Variants in CSNK1G1 observed in about 807,000 individuals in gnomAD.
CSNK1G1 encodes casein kinase 1 gamma 1.
In CSNK1G1, 22 loss-of-function variants were observed where a neutral mutation model predicts 59.6. The ratio of observed to expected loss-of-function variants is 0.37; its 90% CI spans 0.26 to 0.53. The LOEUF (loss-of-function observed/expected upper bound fraction) is 0.53. CSNK1G1 is among the 20% of genes least tolerant of loss of function. The pLI, the probability that CSNK1G1 is intolerant of heterozygous loss-of-function variation, is 0.89. For missense variants in CSNK1G1, 384 were observed against 519.5 expected, an observed-to-expected ratio of 0.74 and a Z score of 2.54; for synonymous variants, 179 against 177.1, an observed-to-expected ratio of 1.01 and a Z score of -0.08.
At chr15:64,270,853 T>C (rs187807904) in intron 2 of CSNK1G1, among the ~76,000 whole-genome samples, 5 of 152,312 alleles carry the variant, frequency 3.3e-5, no homozygotes, top group South Asian at 2.1e-4. Flanking sequence ...TCTTGATTTC[T>C]GTCTTTATTT....
chr15:64,255,099 T>C (rs1892299596), intron 3 of CSNK1G1, among the ~76,000 whole-genome samples: 1 of 152,098 alleles, frequency 6.6e-6, no homozygotes, highest in Non-Finnish European at 1.5e-5. Flanking sequence ...TCTTTTGAGA[T>C]GGAATCTTAC....
At chr15:64,197,364 G>A (rs1170620185) in intron 10 of CSNK1G1, among the ~76,000 whole-genome samples, 1 of 152,136 alleles carries the variant, frequency 6.6e-6, no homozygotes, top group East Asian at 1.9e-4. Context: ...ACCATCCTCT[G>A]CCTGCTAGAC....
chr15:64,346,395 T>A (rs1897974778), intron 1 of CSNK1G1, among the ~76,000 whole-genome samples: 2 of 151,284 alleles, frequency 1.3e-5, no homozygotes, highest in African/African-American at 4.8e-5. Context: ...GGAGAAAATG[T>A]AAGTGACCTT....
In CSNK1G1 at chr15:64,268,174, T is replaced by C. The variant is rs535232712; in HGVS notation, c.182-8933A>G. 5.3e-5 allele frequency among the ~76,000 whole-genome samples: 8 copies of C among 152,272 alleles called. No individual in the cohort carries two copies. In the South Asian group the frequency reaches 1.7e-3, roughly 32 times the overall value. ...TATAAAAAGGAAGTGCTGTCATTTGTGGCAAAGGAATAAACATGGAGAACA... is the reference window on the plus strand; with the variant it reads ...TATAAAAAGGAAGTGCTGTCATTTGCGGCAAAGGAATAAACATGGAGAACA... On this transcript the variant is annotated intron_variant, in intron 2 of 11. Transcript: ENST00000303052.
At chr15:64,177,064 T>C (rs1244501107) in intron 11 of CSNK1G1, among the ~76,000 whole-genome samples, 1 of 152,190 alleles carries the variant, frequency 6.6e-6, no homozygotes, top group African/African-American at 2.4e-5. Flanking sequence ...CAAGGACATA[T>C]GTCCTGGAGC....
chr15:64,174,015 A>G lies in CSNK1G1; in HGVS notation c.1215-2030T>C, dbSNP rs1038956893. Among the ~76,000 whole-genome samples the G allele has an allele frequency of 1.6e-4, 24 of 152,226 alleles. 1 individual carries two copies. The highest frequency in any genetic ancestry group is 4.8e-4 in the African/African-American group (20 of 41,458). On this transcript the variant is annotated intron_variant, in intron 11 of 11. Coordinates refer to ENST00000303052, the MANE Select transcript of CSNK1G1 (RefSeq NM_022048.5). ...AGAGGCAAATTAAATCTCTATTTCAATAGACTTACCTCTTTTCTTCTGAAT... is the reference window on the plus strand; with the variant it reads ...AGAGGCAAATTAAATCTCTATTTCAGTAGACTTACCTCTTTTCTTCTGAAT...
At chr15:64,251,415 T>G in intron 4 of CSNK1G1, 97 bp downstream of exon 4, 5 of 782,250 alleles carry the variant, frequency 6.4e-6, no homozygotes, top group Non-Finnish European at 1.1e-5. Flanking sequence ...GATAGATGGT[T>G]TGGTAAAAAG....
chr15:64,329,111 T>C (rs1406972207), intron 1 of CSNK1G1, among the ~76,000 whole-genome samples: 2 of 151,248 alleles, frequency 1.3e-5, no homozygotes, highest in African/African-American at 4.9e-5. Context: ...ATTAGACAGA[T>C]CAACGAGACA....
chr15:64,217,218 C>T (rs1483058618), intron 4 of CSNK1G1, among the ~76,000 whole-genome samples: 2 of 152,196 alleles, frequency 1.3e-5, no homozygotes, highest in Non-Finnish European at 2.9e-5. Context: ...TGCAGCCTGG[C>T]CCCAGGCCAG....
intron 2 of CSNK1G1, among the ~76,000 whole-genome samples, chr15:64,283,288 G>T (rs72756981): frequency 0.044 from 6,718 of 151,742 alleles, 193 homozygotes; most frequent in South Asian, 0.085. Context: ...CCCATTGTTA[G>T]ATACATAATT....
At chr15:64,280,629 A>G (rs1395810671) in intron 2 of CSNK1G1, among the ~76,000 whole-genome samples, 1 of 151,486 alleles carries the variant, frequency 6.6e-6, no homozygotes, top group Non-Finnish European at 1.5e-5. Flanking sequence ...CAAAGTGTTA[A>G]GGATTACAGG....
At chr15:64,355,888 C>G (rs528642885) in intron 1 of CSNK1G1, 100 bp downstream of exon 1, 2 of 153,048 alleles carry the variant, frequency 1.3e-5, no homozygotes, top group East Asian at 3.9e-4. Context: ...ACGGCGTCCC[C>G]CACCCACGCC....
At chr15:64,300,204 G>C (rs1895251577) in intron 2 of CSNK1G1, 115 bp downstream of exon 2, 1 of 925,674 alleles carries the variant, frequency 1.1e-6, no homozygotes, top group Non-Finnish European at 1.7e-6. Flanking sequence ...CTTAACAACA[G>C]GTTCTCCTTA....
chr15:64,280,505 T>C (rs767349286), intron 2 of CSNK1G1, among the ~76,000 whole-genome samples: 2 of 151,946 alleles, frequency 1.3e-5, no homozygotes, highest in African/African-American at 2.4e-5. Flanking sequence ...GTTCAAGCGG[T>C]TCTATAAAAA....
chr15:64,290,295 A>C (rs1894664897), intron 2 of CSNK1G1, among the ~76,000 whole-genome samples: 2 of 151,998 alleles, frequency 1.3e-5, no homozygotes, highest in Non-Finnish European at 2.9e-5. Context: ...AGTGTCCCTC[A>C]TGGATGATTT....
At chr15:64,340,190 T>TA (rs201970878) in intron 1 of CSNK1G1, among the ~76,000 whole-genome samples, 3,112 of 152,322 alleles carry the variant, frequency 0.02, 119 homozygotes, top group African/African-American at 0.071. Context: ...TGAAGGTTGT[T>TA]ACCTCTCGCA....
At chr15:64,326,932 G>C (rs1896874628) in intron 1 of CSNK1G1, among the ~76,000 whole-genome samples, 6 of 150,048 alleles carry the variant, frequency 4.0e-5, no homozygotes, top group Admixed American at 4.0e-4. Context: ...TGGAAAATCG[G>C]GTCACTCCCA....
intron 4 of CSNK1G1, among the ~76,000 whole-genome samples, chr15:64,232,324 T>C (rs1023786263): frequency 3.3e-5 from 5 of 152,168 alleles, no homozygotes; most frequent in South Asian, 4.1e-4. Flanking sequence ...TATTCTCAAA[T>C]AGAAAAGGGC....
At chr15:64,211,991 T>C (rs1483555390) in intron 6 of CSNK1G1, among the ~76,000 whole-genome samples, 1 of 152,268 alleles carries the variant, frequency 6.6e-6, no homozygotes, top group East Asian at 1.9e-4. Flanking sequence ...TTTGTTTCCT[T>C]GTAAAATGGA....
Sources: gnomAD v4.1 joint callset for allele counts (sites outside exome capture counted in the v4.1 genomes callset) on GRCh38, gnomAD v4.1.1 for gene constraint, MANE v1.5 for transcripts, NCBI Gene and HGNC (gene_info 2026-07-23, HGNC 2026-07-21) for gene names.